IL17RA: variants seen among roughly 807,000 people sequenced by gnomAD.
The protein encoded by IL17RA is interleukin 17 receptor A.
IL17RA carries 34 observed loss-of-function variants against 50.4 expected under a neutral mutation model. That is an observed-to-expected ratio of 0.67 (90% CI 0.51 to 0.90). The LOEUF is 0.90. IL17RA is among the 40% of genes least tolerant of loss of function. The probability of loss-of-function intolerance (pLI) is 0.00; values close to 1 mark genes in which losing one functional copy is unlikely to be tolerated. For missense variants in IL17RA, 1,276 were observed against 1,169.8 expected (o/e 1.09, Z -1.32); for synonymous variants, 585 against 510.4 (o/e 1.15, Z -1.97).
intron 9 of IL17RA, 95 bp downstream of exon 9, chr22:17,104,905 A>T: frequency 8.5e-7 from 1 of 1,173,734 alleles, no homozygotes; most frequent in Non-Finnish European, 1.3e-6. Flanking sequence ...CTGAGGGGTG[A>T]TTAGGGAGGA....
Position 17,115,437 on chromosome 22 carries a change from G to A in IL17RA, c.*5617G>A, listed in dbSNP as rs1184119670. 6.6e-6 allele frequency: 1 copy of A among 152,242 alleles called. No individual in the cohort carries two copies. Among genetic ancestry groups the A allele is most frequent in the Non-Finnish European group, 1.5e-5 (1 of 68,044 alleles). 9.4% of individuals were successfully genotyped at this position (152,242 alleles called of 1,614,324 possible). ...CCACAGCTAACGAGAGGCAGAGAGA[G>A]CTCAGGCTCCCAGGAGCTTCCACTC... is the stretch of plus-strand genomic sequence containing the variant. On this transcript the variant is annotated 3_prime_UTR_variant, in exon 13 of 13. Transcript: ENST00000319363.
chr22:17,097,525 C>G, intron 2 of IL17RA: 4 of 566,116 alleles, frequency 7.1e-6, no homozygotes, highest in Non-Finnish European at 1.3e-5. Flanking sequence ...CTCCTGTGCC[C>G]TTATTCCCAA....
chr22:17,106,103 G>A, intron 11 of IL17RA, 149 bp downstream of exon 11: 3 of 711,536 alleles, frequency 4.2e-6, no homozygotes, highest in Non-Finnish European at 7.6e-6. Flanking sequence ...AGTGAAATAA[G>A]ACACATGAAT....
chr22:17,085,863 G>A (rs558189572), intron 1 of IL17RA, among the ~76,000 whole-genome samples: 4 of 152,302 alleles, frequency 2.6e-5, no homozygotes, highest in African/African-American at 9.6e-5. Flanking sequence ...GCTGAGACGC[G>A]GCACCATGTT....
In IL17RA at chr22:17,110,264, G is replaced by A; in HGVS notation, c.*444G>A. On this transcript the variant is annotated 3_prime_UTR_variant, in exon 13 of 13. Coordinates refer to ENST00000319363, the MANE Select transcript of IL17RA (RefSeq NM_014339.7). ...TGTAATCCCAGCACACTGGGAGGCCGAGGCAGGTGGATCACTCTGAGGTCA... is the reference window on the plus strand; with the variant it reads ...TGTAATCCCAGCACACTGGGAGGCCAAGGCAGGTGGATCACTCTGAGGTCA... The A allele has an allele frequency of 1.6e-5, 4 of 252,480 alleles. No individual in the cohort carries two copies. In the South Asian group the frequency reaches 1.6e-4, roughly 10 times the overall value. 15.6% of individuals were successfully genotyped at this position (252,480 alleles called of 1,614,324 possible). A position where few individuals can be genotyped will look rare whatever the true frequency, so the allele number is the denominator to read the frequency against.
rs543974527 is a variant in IL17RA, at chr22:17,096,257, A to G, written c.139-805A>G. Among the ~76,000 whole-genome samples the G allele has an allele frequency of 7.9e-5, 12 of 152,242 alleles. No individual in the cohort carries two copies. In the South Asian group the frequency reaches 8.3e-4, roughly 11 times the overall value. On this transcript the variant is annotated intron_variant, in intron 1 of 12. Transcript: ENST00000319363. ...ACACATACTGCCCAAGAGGGAGGCA[A>G]TATAATGTAACATGGGTGCCTCAGC... is the stretch of plus-strand genomic sequence containing the variant.
Position 17,109,574 on chromosome 22 carries a change from G to C in IL17RA, c.2355G>C (p.Glu785Asp). ...ACCCACACACGCCCTACGAGGAGGA[G>C]CAGCGGCAGTCAGTGCAGTCTGACC... ...LTDPHTPYEE[E>D]QRQSVQSDQG... is the part of the protein sequence containing the mutation. Residue 785 changes from glutamate (E) to aspartate (D), a missense_variant, in exon 13 of 13, where the codon GAG (glutamate) becomes GAC (aspartate). Transcript: ENST00000319363. 6.2e-7 allele frequency: 1 copy of C among 1,600,710 alleles called. No individual in the cohort carries two copies. Among genetic ancestry groups the C allele is most frequent in the Non-Finnish European group, 8.5e-7 (1 of 1,173,746 alleles).
At position 17,108,826 on chromosome 22, in the gene IL17RA, T is replaced by C. The variant is rs1194412935; in HGVS notation, c.1607T>C (p.Ile536Thr). 1 of 1,607,646 alleles carries C rather than the reference T, an allele frequency of 6.2e-7. No individual in the cohort carries two copies. The highest frequency in any genetic ancestry group is 8.5e-7 in the Non-Finnish European group (1 of 1,177,272). ...AGGTTCGAGGAGGTGTACTTCCGCA[T>C]CCAGGACCTGGAGATGTTCCAGCCG... ...MDRFEEVYFRIQDLEMFQPGR... is the reference protein window; with the variant it reads ...MDRFEEVYFRTQDLEMFQPGR... Residue 536 changes from isoleucine to threonine, a missense_variant, in exon 13 of 13, where the codon ATC becomes ACC. Transcript: ENST00000319363.
intron 4 of IL17RA, among the ~76,000 whole-genome samples, chr22:17,100,141 TAAAA>T (rs35718705): frequency 1.0e-3 from 121 of 121,530 alleles, no homozygotes; most frequent in Non-Finnish European, 1.3e-3. Context: ...GATCCAGGTT[TAAAA>T]AAAAAAAAAA....
intron 1 of IL17RA, among the ~76,000 whole-genome samples, chr22:17,096,419 T>G (rs1250860403): frequency 6.6e-6 from 1 of 152,138 alleles, no homozygotes; most frequent in African/African-American, 2.4e-5. Flanking sequence ...ACTGTAAATA[T>G]TGCCCTTCAC....
intron 3 of IL17RA, among the ~76,000 whole-genome samples, 171 bp from the exon 4 acceptor site, chr22:17,098,604 C>A (rs150569017): frequency 1.3e-5 from 2 of 152,164 alleles, no homozygotes; most frequent in Admixed American, 1.3e-4. Context: ...GTCTGCAAGG[C>A]GGTAGGCTGA....
intron 11 of IL17RA, 34 bp downstream of exon 11, chr22:17,105,988 G>A: frequency 2.6e-6 from 4 of 1,535,038 alleles, no homozygotes; most frequent in Non-Finnish European, 3.6e-6. Flanking sequence ...CCTGGAGTCA[G>A]GCTCTAATAC....
rs1000790264 is a variant in IL17RA, at chr22:17,097,539, C to G, written c.164-258C>G. 9.2e-5 allele frequency: 53 copies of G among 576,312 alleles called. No homozygotes were observed. In the African/African-American group the frequency reaches 9.7e-4, roughly 11 times the overall value. 35.7% of individuals were successfully genotyped at this position (576,312 alleles called of 1,614,324 possible). On this transcript the variant is annotated intron_variant, in intron 2 of 12. Coordinates refer to ENST00000319363, the MANE Select transcript of IL17RA (RefSeq NM_014339.7). ...CCTCCTGTGCCCTTATTCCCAATCA[C>G]AACTTCTTCTCAAAATCAACTTGTG...
chr22:17,086,155 G>A (rs1601333684), intron 1 of IL17RA, among the ~76,000 whole-genome samples: 1 of 151,916 alleles, frequency 6.6e-6, no homozygotes, highest in Admixed American at 6.6e-5. Context: ...CAAAAAAAGA[G>A]CAAAACGCCG....
intron 4 of IL17RA, among the ~76,000 whole-genome samples, 166 bp downstream of exon 4, chr22:17,099,053 G>A (rs548616272): frequency 1.2e-4 from 18 of 152,300 alleles, no homozygotes; most frequent in African/African-American, 3.8e-4. Flanking sequence ...CAAAAGAGAA[G>A]TGGTGTGGCC....
intron 1 of IL17RA, among the ~76,000 whole-genome samples, chr22:17,088,981 A>C (rs754057026): frequency 1.3e-5 from 2 of 151,776 alleles, no homozygotes; most frequent in Non-Finnish European, 2.9e-5. Flanking sequence ...TTTTTAGTAG[A>C]GTCGGGGTTT....
chr22:17,089,501 A>G (rs1568915585), intron 1 of IL17RA, among the ~76,000 whole-genome samples: 4 of 152,210 alleles, frequency 2.6e-5, no homozygotes, highest in Non-Finnish European at 2.9e-5. Context: ...TGTCATGACA[A>G]TCCCCCCTCT....
In IL17RA at chr22:17,097,924, A is replaced by G; in HGVS notation, c.291A>G (p.Glu97=). The G allele has an allele frequency of 1.9e-6, 3 of 1,614,092 alleles. No individual in the cohort carries two copies. Among genetic ancestry groups the G allele is most frequent in the Non-Finnish European group, 2.5e-6 (3 of 1,180,042 alleles). The change falls in exon 3 of 13, where the codon GAA becomes GAG. Residue 97 remains glutamate, a synonymous_variant. Transcript: ENST00000319363. ...ACCTGTTCCCCGTGGCTCACATCGA[A>G]TGGACACTGCAGACAGACGGTGAGT... ...QGDLFPVAHI[E]WTLQTDASIL... is the part of the protein sequence containing the mutation.
chr22:17,085,041 G>A lies in IL17RA; in HGVS notation c.-51G>A, dbSNP rs1292133160. On this transcript the variant is annotated 5_prime_UTR_variant, in exon 1 of 13. Coordinates refer to ENST00000319363, the MANE Select transcript of IL17RA (RefSeq NM_014339.7). ...CGGAAAAGAAAGCCTCAGAACGTTCGTTCGCTGCGTCCCCAGCCGGGGCCG... is the reference window on the plus strand; with the variant it reads ...CGGAAAAGAAAGCCTCAGAACGTTCATTCGCTGCGTCCCCAGCCGGGGCCG... 7.7e-7 allele frequency: 1 copy of A among 1,297,688 alleles called. No homozygotes were observed. Among genetic ancestry groups the A allele is most frequent in the Non-Finnish European group, 9.8e-7 (1 of 1,023,012 alleles). 80.4% of individuals were successfully genotyped at this position (1,297,688 alleles called of 1,614,324 possible).
Sources: allele counts gnomAD v4.1 joint callset (sites outside exome capture counted in the v4.1 genomes callset), GRCh38; gene constraint gnomAD v4.1.1; transcripts MANE v1.5; gene names NCBI Gene and HGNC (gene_info 2026-07-23, HGNC 2026-07-21).